Variants in NBEA observed in about 807,000 individuals in gnomAD.
The protein encoded by NBEA is neurobeachin, also known as lysosomal-trafficking regulator 2.
In NBEA, 44 loss-of-function variants were observed where a neutral mutation model predicts 343.4. The observed-to-expected ratio is 0.13, with a 90% confidence interval of 0.10 to 0.16. NBEA has a LOEUF of 0.16. Among genes scored for constraint, NBEA ranks in the 10% least tolerant of loss-of-function variants. NBEA has a pLI of 1.00. For missense variants in NBEA, 2,555 were observed against 3,631.3 expected, an observed-to-expected ratio of 0.70 and a Z score of 7.62; for synonymous variants, 1,175 against 1,238.7, an observed-to-expected ratio of 0.95 and a Z score of 1.08.
intron 40 of NBEA, among the ~76,000 whole-genome samples, chr13:35,468,783 CTA>C (rs2075512009): frequency 6.6e-6 from 1 of 152,044 alleles, no homozygotes; most frequent in East Asian, 1.9e-4. Context: ...GAATATTGGA[CTA>C]TTAGTTCTGT....
chr13:35,539,211 T>C (rs1261099785), intron 41 of NBEA, among the ~76,000 whole-genome samples: 1 of 152,070 alleles, frequency 6.6e-6, no homozygotes, highest in East Asian at 1.9e-4. Context: ...AACCAACAAT[T>C]ATAGTTTGGT....
intron 1 of NBEA, among the ~76,000 whole-genome samples, chr13:34,995,934 T>G (rs1246224395): frequency 6.6e-6 from 1 of 152,236 alleles, no homozygotes; most frequent in Non-Finnish European, 1.5e-5. Context: ...GACGTGAGCC[T>G]TTAGATATTC....
intron 41 of NBEA, among the ~76,000 whole-genome samples, chr13:35,515,739 G>A (rs1219273652): frequency 9.2e-6 from 1 of 109,038 alleles, no homozygotes; most frequent in Non-Finnish European, 1.9e-5. Flanking sequence ...TCCCTTTCAT[G>A]TAGTAACTGG....
At chr13:35,628,614 A>G (rs1173902443) in intron 49 of NBEA, among the ~76,000 whole-genome samples, 1 of 152,206 alleles carries the variant, frequency 6.6e-6, no homozygotes, top group African/African-American at 2.4e-5. Flanking sequence ...TATTCTTAAA[A>G]ATAACAGCAC....
intron 1 of NBEA, among the ~76,000 whole-genome samples, chr13:34,982,870 G>C (rs1189897830): frequency 6.6e-6 from 1 of 151,948 alleles, no homozygotes; most frequent in Non-Finnish European, 1.5e-5. Context: ...ATTGAGAAAG[G>C]GTCTTAAGAG....
At chr13:35,387,969 A>G (rs2042323268) in intron 38 of NBEA, among the ~76,000 whole-genome samples, 2 of 152,160 alleles carry the variant, frequency 1.3e-5, no homozygotes, top group Non-Finnish European at 2.9e-5. Flanking sequence ...CTCTTAATAG[A>G]GGAAAATCTT....
At chr13:34,992,820 C>A (rs974870714) in intron 1 of NBEA, among the ~76,000 whole-genome samples, 1 of 149,882 alleles carries the variant, frequency 6.7e-6, no homozygotes, top group African/African-American at 2.5e-5. Flanking sequence ...CTACAGGCCC[C>A]CGCCACCACA....
chr13:35,006,628 C>A (rs2061327897), intron 1 of NBEA, among the ~76,000 whole-genome samples: 1 of 152,014 alleles, frequency 6.6e-6, no homozygotes, highest in Admixed American at 6.6e-5. Context: ...TTAGTATTTT[C>A]TTTGTTGGAA....
At chr13:34,953,913 T>C (rs566513786) in intron 1 of NBEA, among the ~76,000 whole-genome samples, 69 of 152,312 alleles carry the variant, frequency 4.5e-4, no homozygotes, top group African/African-American at 1.5e-3. Flanking sequence ...AACCCTATCA[T>C]GAACTGCGCA....
chr13:35,153,914 A>G (rs1376976202), intron 18 of NBEA, among the ~76,000 whole-genome samples: 1 of 152,160 alleles, frequency 6.6e-6, no homozygotes, highest in Non-Finnish European at 1.5e-5. Context: ...TGTGAAAACT[A>G]CTTATACGTA....
At chr13:35,363,726 C>T (rs975243780) in intron 38 of NBEA, among the ~76,000 whole-genome samples, 1 of 151,838 alleles carries the variant, frequency 6.6e-6, no homozygotes, top group African/African-American at 2.4e-5. Context: ...CTATCCGATT[C>T]GAAGGTACTA....
At chr13:35,475,793 A>G in intron 41 of NBEA, 1 of 1,613,804 alleles carries the variant, frequency 6.2e-7, no homozygotes, top group South Asian at 1.1e-5. Flanking sequence ...GCGGTAATGA[A>G]TTCCACCCAG....
At chr13:35,381,866 T>C (rs116276169) in intron 38 of NBEA, among the ~76,000 whole-genome samples, 114 of 152,266 alleles carry the variant, frequency 7.5e-4, no homozygotes, top group African/African-American at 2.5e-3. Context: ...CTGATTATTA[T>C]ACCGGTGTTG....
At position 35,183,962 on chromosome 13, in the gene NBEA, G is replaced by T. The variant is rs946262542; in HGVS notation, c.4832-14G>T. On this transcript the variant is annotated splice_polypyrimidine_tract_variant and intron_variant, in intron 29 of 58. Transcript: ENST00000379939. ...CATGCTGGCTCAAATTTGATTCCAT[G>T]ATTTTCTCCACAGTTGTGGTCATAC... is the stretch of plus-strand genomic sequence containing the variant. 6.3e-7 allele frequency: 1 copy of T among 1,596,756 alleles called. No individual in the cohort carries two copies.
At chr13:35,307,665 G>A (rs2036988062) in intron 35 of NBEA, among the ~76,000 whole-genome samples, 1 of 152,026 alleles carries the variant, frequency 6.6e-6, no homozygotes, top group South Asian at 2.1e-4. Context: ...TCAGGTGTAA[G>A]AAGTTGTAAG....
chr13:35,646,956 G>A (rs912112884), intron 51 of NBEA, among the ~76,000 whole-genome samples: 5 of 152,234 alleles, frequency 3.3e-5, no homozygotes, highest in Middle Eastern at 3.4e-3. Context: ...CTACTACTGA[G>A]AATTGAATGA....
intron 34 of NBEA, among the ~76,000 whole-genome samples, chr13:35,239,802 T>C (rs1054481270): frequency 2.0e-5 from 3 of 151,930 alleles, no homozygotes; most frequent in African/African-American, 7.2e-5. Context: ...TATTAAAATA[T>C]CATTTGCCAA....
intron 44 of NBEA, among the ~76,000 whole-genome samples, chr13:35,558,010 A>G (rs1272043818): frequency 6.6e-6 from 1 of 151,562 alleles, no homozygotes; most frequent in Admixed American, 6.6e-5. Context: ...TTAGAGTAGA[A>G]GGGAATGCGA....
chr13:35,474,322 G>T (rs1295128561), intron 41 of NBEA: 1 of 152,496 alleles, frequency 6.6e-6, no homozygotes, highest in Admixed American at 6.5e-5. Context: ...ATATAATTCA[G>T]ATATTCAAGC....
Sources: allele counts gnomAD v4.1 joint callset (sites outside exome capture counted in the v4.1 genomes callset), GRCh38; gene constraint gnomAD v4.1.1; transcripts MANE v1.5; gene names NCBI Gene and HGNC (gene_info 2026-07-23, HGNC 2026-07-21).